Variants in KCNH5 observed in about 807,000 individuals in gnomAD.
KCNH5 encodes the protein potassium voltage-gated channel subfamily H member 5, also known as voltage-gated delayed rectifier potassium channel KCNH5.
A neutral mutation model predicts 96.1 loss-of-function variants in KCNH5; 46 were observed. That is an observed-to-expected ratio of 0.48 (90% CI 0.38 to 0.61). The LOEUF is 0.61. Ranked by LOEUF, KCNH5 falls within the 20% of genes least tolerant of loss-of-function variation. The pLI is 0.00. For synonymous variants in KCNH5, 439 were observed against 449.8 expected (o/e 0.98, Z 0.30); for missense variants, 907 against 1,225.8 (o/e 0.74, Z 3.88).
chr14:62,720,738 A>C (rs1884793480), intron 10 of KCNH5, among the ~76,000 whole-genome samples: 2 of 152,210 alleles, frequency 1.3e-5, no homozygotes, highest in African/African-American at 4.8e-5. Context: ...ATAATCCCAG[A>C]GGAAAAACAA....
intron 2 of KCNH5, 43 bp downstream of exon 2, chr14:63,016,788 T>G: frequency 1.3e-6 from 2 of 1,587,524 alleles, no homozygotes; most frequent in Non-Finnish European, 1.7e-6. Context: ...TTCAGATTTT[T>G]GTTAAATTTC....
intron 7 of KCNH5, among the ~76,000 whole-genome samples, chr14:62,922,637 C>T (rs536480676): frequency 6.6e-6 from 1 of 152,010 alleles, no homozygotes; most frequent in South Asian, 2.1e-4. Context: ...TCTAGGATGC[C>T]AGGATGGTTC....
At chr14:63,034,691 G>T (rs1040125294) in intron 1 of KCNH5, among the ~76,000 whole-genome samples, 1 of 152,142 alleles carries the variant, frequency 6.6e-6, no homozygotes, top group Non-Finnish European at 1.5e-5. Flanking sequence ...TCTCCTTCAC[G>T]ATCAAAGGTA....
At position 63,022,444 on chromosome 14, in the gene KCNH5, T is replaced by TTTTG. The variant is rs113415553; in HGVS notation, c.74-5494_74-5491dup. Reference sequence around the variant, plus strand: ...TTTTTATACTGAAGCCAAACGAGTTTTTTGTTTGTTTGTTTGTTTGTTTGT... The same window carrying TTTTG: ...TTTTTATACTGAAGCCAAACGAGTTTTTTGTTTGTTTGTTTGTTTGTTTGTTTGT... On this transcript the variant is annotated intron_variant, in intron 1 of 10. Coordinates refer to ENST00000322893, the MANE Select transcript of KCNH5 (RefSeq NM_139318.5). Among the ~76,000 whole-genome samples the TTTTG allele has an allele frequency of 4.8e-3, 734 of 152,050 alleles. 14 individuals are homozygous for TTTTG. In the East Asian group the frequency reaches 0.05, roughly 10 times the overall value.
At chr14:62,889,963 C>T (rs1888672332) in intron 7 of KCNH5, among the ~76,000 whole-genome samples, 1 of 152,066 alleles carries the variant, frequency 6.6e-6, no homozygotes, top group Non-Finnish European at 1.5e-5. Flanking sequence ...GCAAAGTTGA[C>T]AAAAACAAGC....
chr14:62,992,723 T>C (rs113876854), intron 4 of KCNH5, among the ~76,000 whole-genome samples: 1 of 152,104 alleles, frequency 6.6e-6, no homozygotes, highest in Non-Finnish European at 1.5e-5. Flanking sequence ...TAGTCCTCTG[T>C]TGAATAAATA....
chr14:62,956,480 G>A (rs1479484261), intron 6 of KCNH5, among the ~76,000 whole-genome samples: 1 of 151,694 alleles, frequency 6.6e-6, no homozygotes, highest in Non-Finnish European at 1.5e-5. Context: ...CTTAAGATTG[G>A]GATAATTTTC....
chr14:62,748,670 A>G (rs935652641), intron 10 of KCNH5, among the ~76,000 whole-genome samples: 34 of 152,104 alleles, frequency 2.2e-4, no homozygotes, highest in Non-Finnish European at 2.5e-4. Context: ...CTGCCTAACT[A>G]TGGTGTCTTG....
chr14:62,768,669 G>A lies in KCNH5; in HGVS notation c.2019+11059C>T, dbSNP rs375001244. ...TTAAATACTTTTCTATCTATTAAAG[G>A]CTTATTTATTTTCTTCTTGTTTACT... On this transcript the variant is annotated intron_variant, in intron 10 of 10. Transcript: ENST00000322893. Among the ~76,000 whole-genome samples, 96 of 152,110 alleles carry A rather than the reference G, an allele frequency of 6.3e-4. No homozygotes were observed. In the East Asian group the frequency reaches 0.014, roughly 22 times the overall value.
intron 7 of KCNH5, among the ~76,000 whole-genome samples, chr14:62,853,480 T>TATATATATAA (rs1887863259): frequency 2.0e-5 from 1 of 48,786 alleles, no homozygotes. Context: ...TATATATATA[T>TATATATATAA]CATATATATA....
At chr14:63,034,876 G>A (rs574359080) in intron 1 of KCNH5, among the ~76,000 whole-genome samples, 1 of 152,212 alleles carries the variant, frequency 6.6e-6, no homozygotes, top group East Asian at 1.9e-4. Context: ...ACAATTCAAT[G>A]TTTCTACTTT....
At chr14:62,717,526 T>G (rs1010171052) in intron 10 of KCNH5, among the ~76,000 whole-genome samples, 2 of 152,178 alleles carry the variant, frequency 1.3e-5, no homozygotes, top group Non-Finnish European at 2.9e-5. Flanking sequence ...TCAAAGCAAT[T>G]CAATGATGTC....
chr14:63,030,510 C>T (rs1245650060), intron 1 of KCNH5, among the ~76,000 whole-genome samples: 1 of 152,120 alleles, frequency 6.6e-6, no homozygotes, highest in Non-Finnish European at 1.5e-5. Flanking sequence ...AAATGGTCCC[C>T]TAGAGATTAT....
chr14:62,760,180 G>A (rs913582202), intron 10 of KCNH5, among the ~76,000 whole-genome samples: 2 of 152,058 alleles, frequency 1.3e-5, no homozygotes, highest in African/African-American at 4.8e-5. Context: ...TGGCCAACTA[G>A]GTCATTTGAC....
At chr14:62,914,227 C>G (rs1324315348) in intron 7 of KCNH5, among the ~76,000 whole-genome samples, 3 of 152,184 alleles carry the variant, frequency 2.0e-5, no homozygotes, top group Admixed American at 1.3e-4. Context: ...CGTGGTGAGT[C>G]ATCATTTATG....
rs530905742 is a variant in KCNH5, at chr14:63,035,310, A to G, written c.73+9804T>C. Among the ~76,000 whole-genome samples the G allele has an allele frequency of 2.0e-5, 3 of 152,334 alleles. No homozygotes were observed. In the South Asian group the frequency reaches 6.2e-4, roughly 32 times the overall value. ...CTAATGGCAAGATAAATGATGAAAA[A>G]CTTCAATTAAAAAGCTGGTCCAACC... On this transcript the variant is annotated intron_variant, in intron 1 of 10. Coordinates refer to ENST00000322893, the MANE Select transcript of KCNH5 (RefSeq NM_139318.5).
chr14:62,964,107 C>T (rs1177792397), intron 6 of KCNH5, among the ~76,000 whole-genome samples: 1 of 152,024 alleles, frequency 6.6e-6, no homozygotes, highest in African/African-American at 2.4e-5. Context: ...CCTCACTTCC[C>T]TATACTTTGG....
intron 8 of KCNH5, among the ~76,000 whole-genome samples, chr14:62,833,046 A>G (rs1442515009): frequency 6.6e-6 from 1 of 151,930 alleles, no homozygotes; most frequent in African/African-American, 2.4e-5. Context: ...TAGTTTATAC[A>G]TATTTTTTCT....
intron 4 of KCNH5, among the ~76,000 whole-genome samples, chr14:62,998,269 G>A (rs1274705990): frequency 6.6e-6 from 1 of 152,180 alleles, no homozygotes; most frequent in Non-Finnish European, 1.5e-5. Flanking sequence ...CTATAGAGTT[G>A]TTCGCAGTAG....
Sources: gnomAD v4.1 joint callset for allele counts (sites outside exome capture counted in the v4.1 genomes callset) on GRCh38, gnomAD v4.1.1 for gene constraint, MANE v1.5 for transcripts, NCBI Gene and HGNC (gene_info 2026-07-23, HGNC 2026-07-21) for gene names.